WDR37: variants seen among roughly 807,000 people sequenced by gnomAD.
WDR37 encodes the protein WD repeat-containing protein 37.
WDR37 carries 19 observed loss-of-function variants against 62.9 expected under a neutral mutation model. That is an observed-to-expected ratio of 0.30 (90% CI 0.21 to 0.44). WDR37 has a LOEUF of 0.44. Ranked by LOEUF, WDR37 falls within the 20% of genes least tolerant of loss-of-function variation. The probability of loss-of-function intolerance (pLI) is 1.00; values close to 1 mark genes in which losing one functional copy is unlikely to be tolerated. For synonymous variants in WDR37, 250 were observed against 260.9 expected (o/e 0.96, Z 0.40); for missense variants, 474 against 657.6 (o/e 0.72, Z 3.05).
At chr10:1,096,633 G>A (rs1389781327) in intron 9 of WDR37, 2 of 203,250 alleles carry the variant, frequency 9.8e-6, no homozygotes, top group South Asian at 9.6e-5. Context: ...TTTATGCGTC[G>A]CCCGGTCTGC....
At chr10:1,096,331 G>A in intron 9 of WDR37, 85 bp downstream of exon 9, 1 of 1,450,566 alleles carries the variant, frequency 6.9e-7, no homozygotes, top group Non-Finnish European at 9.6e-7. Context: ...GTCATGGACG[G>A]AATGTTTGTG....
intron 11 of WDR37, among the ~76,000 whole-genome samples, chr10:1,118,450 T>G (rs1342950304): frequency 1.4e-5 from 2 of 146,052 alleles, no homozygotes; most frequent in East Asian, 4.1e-4. Context: ...TCAGCCACCC[T>G]CAGCCAGCTC....
chr10:1,122,795 C>G (rs937385141), intron 11 of WDR37, among the ~76,000 whole-genome samples: 1 of 152,214 alleles, frequency 6.6e-6, no homozygotes, highest in African/African-American at 2.4e-5. Context: ...CCAGCCACTG[C>G]CAGCACAGCC....
At position 1,130,925 on chromosome 10, in the gene WDR37, C is replaced by T. The variant is rs925454803; in HGVS notation, c.*1581C>T. On this transcript the variant is annotated 3_prime_UTR_variant, in exon 14 of 14. Coordinates refer to ENST00000263150, the MANE Select transcript of WDR37 (RefSeq NM_014023.4). ...CCCTGAAATGACTGACAGCCCCGGG[C>T]CCAAGAAAAACCCATAACCACCTCA... is the stretch of plus-strand genomic sequence containing the variant. 2.0e-4 allele frequency: 30 copies of T among 152,124 alleles called. No homozygotes were observed. The highest frequency in any genetic ancestry group is 7.0e-4 in the African/African-American group (29 of 41,396). The allele number at this position is 152,124 out of a possible 1,614,324, so 9.4% of individuals were successfully genotyped here.
intron 1 of WDR37, among the ~76,000 whole-genome samples, chr10:1,065,564 G>A (rs1833511662): frequency 6.6e-6 from 1 of 151,874 alleles, no homozygotes; most frequent in South Asian, 2.1e-4. Flanking sequence ...AAAGTCATGA[G>A]TGTAATTGGT....
At chr10:1,104,676 G>T (rs888655540) in intron 10 of WDR37, among the ~76,000 whole-genome samples, 4 of 152,182 alleles carry the variant, frequency 2.6e-5, no homozygotes, top group African/African-American at 9.7e-5. Flanking sequence ...TGTACGGGGT[G>T]GGGGTGGCTT....
At chr10:1,083,624 G>A (rs1458544475) in intron 5 of WDR37, among the ~76,000 whole-genome samples, 1 of 152,248 alleles carries the variant, frequency 6.6e-6, no homozygotes, top group Admixed American at 6.5e-5. Flanking sequence ...AAATCGTTGT[G>A]TTGAATTAGT....
chr10:1,108,738 T>TCTCC (rs1491455688), intron 11 of WDR37, among the ~76,000 whole-genome samples: 1 of 59,726 alleles, frequency 1.7e-5, no homozygotes, highest in Non-Finnish European at 3.7e-5. Context: ...GCTTCTGTGA[T>TCTCC]GCCCCCCCCC....
chr10:1,065,385 GT>G (rs1162067635), intron 1 of WDR37, among the ~76,000 whole-genome samples: 1 of 151,990 alleles, frequency 6.6e-6, no homozygotes, highest in African/African-American at 2.4e-5. Context: ...CCACTAAAAA[GT>G]TATACAAAAC....
intron 13 of WDR37, among the ~76,000 whole-genome samples, chr10:1,127,342 A>G (rs1271436170): frequency 6.6e-6 from 1 of 152,236 alleles, no homozygotes; most frequent in Non-Finnish European, 1.5e-5. Context: ...CTAAAGTGGT[A>G]TGTGAAATAG....
intron 10 of WDR37, among the ~76,000 whole-genome samples, chr10:1,104,737 C>CT (rs1834949779): frequency 6.6e-6 from 1 of 152,182 alleles, no homozygotes; most frequent in African/African-American, 2.4e-5. Context: ...GAATCTATCT[C>CT]TAAGTGCATT....
At chr10:1,100,546 T>C (rs1482866506) in intron 9 of WDR37, among the ~76,000 whole-genome samples, 1 of 152,226 alleles carries the variant, frequency 6.6e-6, no homozygotes, top group South Asian at 2.1e-4. Context: ...TGAATCATTA[T>C]AGCTTTTGGG....
In WDR37 at chr10:1,105,320, G is replaced by C. The variant is rs1198232685; in HGVS notation, c.1103+53G>C. The stretch of plus-strand genomic sequence containing the variant: ...CCTTAGTCATGAAAAAGTTCTGTGG[G>C]TTGACATGAAAACTTAATTCTAGCC... On this transcript the variant is annotated intron_variant, in intron 11 of 13. Coordinates refer to ENST00000263150, the MANE Select transcript of WDR37 (RefSeq NM_014023.4). This position sits in a 1 kb window ranked among gnomAD's most constrained non-coding sequence, Gnocchi z 5.3. 5 of 1,564,644 alleles carry C rather than the reference G, an allele frequency of 3.2e-6. No homozygotes were observed. The highest frequency in any genetic ancestry group is 3.5e-6 in the Non-Finnish European group (4 of 1,147,626).
In WDR37 at chr10:1,066,485, A is replaced by C. The variant is rs140601558; in HGVS notation, c.-40-5631A>C. Reference sequence around the variant, plus strand: ...TAAGATCTAAATAAATACTGTATTCATAGATTAAAAGACTCAGCATAATAA... The same window carrying C: ...TAAGATCTAAATAAATACTGTATTCCTAGATTAAAAGACTCAGCATAATAA... On this transcript the variant is annotated intron_variant, in intron 1 of 13. Transcript: ENST00000263150. Among the ~76,000 whole-genome samples, 335 of 152,352 alleles carry C rather than the reference A, an allele frequency of 2.2e-3. 1 individual carries two copies. The highest frequency in any genetic ancestry group is 7.7e-3 in the African/African-American group (319 of 41,580).
At chr10:1,090,317 C>T (rs982967134) in intron 7 of WDR37, among the ~76,000 whole-genome samples, 1 of 152,188 alleles carries the variant, frequency 6.6e-6, no homozygotes, top group African/African-American at 2.4e-5. Context: ...TGCCACCACG[C>T]CCAGCTAAGT....
chr10:1,122,613 C>CT (rs1337022526), intron 11 of WDR37, among the ~76,000 whole-genome samples: 7 of 152,264 alleles, frequency 4.6e-5, no homozygotes, highest in African/African-American at 1.7e-4. Context: ...ATTGTGTGCC[C>CT]TTAGCTCACG....
rs1051638129 is a variant in WDR37, at chr10:1,103,710, A to G, written c.835A>G (p.Ser279Gly). 3 of 1,614,204 alleles carry G rather than the reference A, an allele frequency of 1.9e-6. No individual in the cohort carries two copies. The highest frequency in any genetic ancestry group is 2.2e-5 in the South Asian group (2 of 91,074). The change falls in exon 10 of 14, where the codon AGC becomes GGC. Residue 279 changes from serine (S) to glycine (G), a missense_variant. Ser to Gly is a moderately conservative substitution (Grantham distance 56, BLOSUM62 0). Transcript: ENST00000263150. This position sits in a 1 kb window ranked among gnomAD's most constrained non-coding sequence, Gnocchi z 6.3. ...TIRVPLTSLK[S>G]HQGVVIASDW... ...CCGCGTCCCACTGACATCCCTCAAGAGCCACCAGGGCGTGGTCATCGCCTC... is the reference window on the plus strand; with the variant it reads ...CCGCGTCCCACTGACATCCCTCAAGGGCCACCAGGGCGTGGTCATCGCCTC...
chr10:1,069,205 C>T (rs553308727), intron 1 of WDR37, among the ~76,000 whole-genome samples: 4 of 151,660 alleles, frequency 2.6e-5, no homozygotes, highest in East Asian at 1.9e-4. Flanking sequence ...GTGTGTGAAT[C>T]GTATATCAAG....
intron 5 of WDR37, among the ~76,000 whole-genome samples, chr10:1,083,127 T>C (rs528364879): frequency 6.6e-6 from 1 of 152,366 alleles, no homozygotes; most frequent in East Asian, 1.9e-4. Context: ...TACAATGTTA[T>C]TTAACATCTG....
Sources: gnomAD v4.1 joint callset for allele counts (sites outside exome capture counted in the v4.1 genomes callset) on GRCh38, gnomAD v4.1.1 for gene constraint, Gnocchi (gnomAD v3.1) non-coding constraint, MANE v1.5 for transcripts, NCBI Gene and HGNC (gene_info 2026-07-23, HGNC 2026-07-21) for gene names.